Variants in TESK2 observed in about 807,000 individuals in gnomAD.
TESK2 encodes dual specificity testis-specific protein kinase 2.
A neutral mutation model predicts 57.1 loss-of-function variants in TESK2; 39 were observed. The ratio of observed to expected loss-of-function variants is 0.68; its 90% CI spans 0.53 to 0.89. TESK2 has a LOEUF of 0.89. TESK2 is among the 40% of genes least tolerant of loss of function. The pLI, the probability that TESK2 is intolerant of heterozygous loss-of-function variation, is 0.00. For missense variants in TESK2, 646 were observed against 732.1 expected, an observed-to-expected ratio of 0.88 and a Z score of 1.36; for synonymous variants, 249 against 267.9, an observed-to-expected ratio of 0.93 and a Z score of 0.69.
At chr1:45,463,009 T>C (rs1302130168) in intron 1 of TESK2, among the ~76,000 whole-genome samples, 1 of 152,232 alleles carries the variant, frequency 6.6e-6, no homozygotes, top group East Asian at 1.9e-4. Flanking sequence ...TTTACATAGA[T>C]CTGTTTGCCA....
chr1:45,345,231 T>G lies in TESK2; in HGVS notation c.1325A>C (p.Asp442Ala). 6.2e-7 allele frequency: 1 copy of G among 1,614,200 alleles called. No individual in the cohort carries two copies. Among genetic ancestry groups the G allele is most frequent in the Non-Finnish European group, 8.5e-7 (1 of 1,180,038 alleles). The change falls in exon 11 of 11, where the codon GAC (aspartate) becomes GCC (alanine). Residue 442 changes from aspartate to alanine, a missense_variant. Coordinates refer to ENST00000372086, the MANE Select transcript of TESK2 (RefSeq NM_007170.3). ...APGPGTMPLADWQEPLAPPIR... is the reference protein window; with the variant it reads ...APGPGTMPLAAWQEPLAPPIR... ...AGGTGGGGCCAGGGGCTCCTGCCAG[T>G]CAGCCAGGGGCATAGTTCCGGGCCC...
intron 5 of TESK2, among the ~76,000 whole-genome samples, chr1:45,350,157 A>G (rs971026700): frequency 6.6e-6 from 1 of 152,160 alleles, no homozygotes; most frequent in Admixed American, 6.5e-5. Flanking sequence ...AAAATTAAAA[A>G]AAGCGTGTGT....
chr1:45,367,994 ATTT>A (rs879353372), intron 4 of TESK2, among the ~76,000 whole-genome samples: 3 of 107,048 alleles, frequency 2.8e-5, no homozygotes, highest in Admixed American at 9.7e-5. Context: ...GACCATTGAA[ATTT>A]TTTTTTTTTT....
At chr1:45,386,961 GT>G (rs1220767424) in intron 3 of TESK2, among the ~76,000 whole-genome samples, 3 of 152,084 alleles carry the variant, frequency 2.0e-5, no homozygotes. Flanking sequence ...CCCATATGTA[GT>G]TTTTTATCCT....
intron 2 of TESK2, among the ~76,000 whole-genome samples, chr1:45,428,568 C>T (rs1650795181): frequency 1.3e-5 from 2 of 151,802 alleles, no homozygotes; most frequent in South Asian, 4.2e-4. Flanking sequence ...AGTGGCATGA[C>T]CTCAGCTCAC....
At position 45,344,440 on chromosome 1, in the gene TESK2, C is replaced by G. The variant is rs1472244234; in HGVS notation, c.*400G>C. ...GACCATTACGGCCTCTTGATCAGCT[C>G]CATGTTCCACTCAGTAGCTTATATG... is the stretch of plus-strand genomic sequence containing the variant. On this transcript the variant is annotated 3_prime_UTR_variant, in exon 11 of 11. Transcript: ENST00000372086. 5.1e-6 allele frequency: 1 copy of G among 197,344 alleles called. No individual in the cohort carries two copies. Among genetic ancestry groups the G allele is most frequent in the African/African-American group, 2.4e-5 (1 of 42,422 alleles). The allele number at this position is 197,344 out of a possible 1,614,324, so 12.2% of individuals were successfully genotyped here.
chr1:45,457,025 G>C (rs894077502), intron 2 of TESK2, among the ~76,000 whole-genome samples: 16 of 152,058 alleles, frequency 1.1e-4, no homozygotes, highest in African/African-American at 3.9e-4. Context: ...TTTGAGACAG[G>C]GCCTTGCTAT....
chr1:45,356,126 G>A (rs1647410003), intron 4 of TESK2, among the ~76,000 whole-genome samples: 2 of 152,072 alleles, frequency 1.3e-5, no homozygotes, highest in African/African-American at 4.8e-5. Flanking sequence ...TAATCCTGGT[G>A]AGAGCAGGGC....
intron 3 of TESK2, among the ~76,000 whole-genome samples, chr1:45,388,877 C>T (rs1233692807): frequency 9.2e-5 from 14 of 152,014 alleles, no homozygotes; most frequent in East Asian, 1.9e-4. Flanking sequence ...CCCGCCACCA[C>T]GCCCGGCTAA....
chr1:45,409,090 C>T (rs1467451002), intron 3 of TESK2, among the ~76,000 whole-genome samples: 2 of 152,116 alleles, frequency 1.3e-5, no homozygotes, highest in East Asian at 3.9e-4. Context: ...TTCTAATTGG[C>T]ATCAGCTTCT....
At chr1:45,398,764 G>A (rs1267461139) in intron 3 of TESK2, 1 of 292,688 alleles carries the variant, frequency 3.4e-6, no homozygotes, top group Non-Finnish European at 6.8e-6. Flanking sequence ...TATTATAGTT[G>A]GTTAAGACTG....
At chr1:45,366,707 G>A (rs1162488228) in intron 4 of TESK2, among the ~76,000 whole-genome samples, 4 of 152,188 alleles carry the variant, frequency 2.6e-5, no homozygotes, top group Non-Finnish European at 1.5e-5. Context: ...TAAATAAATG[G>A]AGGTGGGTTT....
intron 4 of TESK2, among the ~76,000 whole-genome samples, chr1:45,358,467 G>A (rs2149266273): frequency 6.6e-6 from 1 of 152,152 alleles, no homozygotes. Context: ...AACAGAGAGA[G>A]ACCCAGTCTC....
chr1:45,436,181 C>CTTTTTTTTTTTTT (rs1170732475), intron 2 of TESK2, among the ~76,000 whole-genome samples: 2,945 of 56,338 alleles, frequency 0.052, 911 homozygotes, highest in East Asian at 0.076. Context: ...TTGGTATCTT[C>CTTTTTTTTTTTTT]TTTTTTTTTT....
chr1:45,426,678 A>G (rs1453476696), intron 2 of TESK2, among the ~76,000 whole-genome samples: 1 of 152,212 alleles, frequency 6.6e-6, no homozygotes, highest in Non-Finnish European at 1.5e-5. Flanking sequence ...GGGAGAAAAT[A>G]TTTGCAAAAT....
intron 3 of TESK2, chr1:45,399,000 A>AAAC: frequency 2.3e-6 from 1 of 435,144 alleles, no homozygotes. Flanking sequence ...AAAAAAAAAA[A>AAAC]AAAAAAACAA....
At chr1:45,347,148 C>T in intron 7 of TESK2, 86 bp from the exon 8 acceptor site, 1 of 1,184,614 alleles carries the variant, frequency 8.4e-7, no homozygotes, top group Non-Finnish European at 1.2e-6. Context: ...CTGCACCCCA[C>T]CATCTAACAG....
chr1:45,374,294 AC>A (rs1648318977), intron 4 of TESK2, among the ~76,000 whole-genome samples: 2 of 152,168 alleles, frequency 1.3e-5, no homozygotes, highest in African/African-American at 4.8e-5. Flanking sequence ...TGCTCCAGTT[AC>A]TGACAATTCA....
chr1:45,429,047 T>G (rs1207595613), intron 2 of TESK2, among the ~76,000 whole-genome samples: 3 of 150,726 alleles, frequency 2.0e-5, no homozygotes, highest in Non-Finnish European at 4.4e-5. Flanking sequence ...GGTCTCGATC[T>G]CCTGACCTCG....
Sources: gnomAD v4.1 joint callset for allele counts (sites outside exome capture counted in the v4.1 genomes callset) on GRCh38, gnomAD v4.1.1 for gene constraint, MANE v1.5 for transcripts, NCBI Gene and HGNC (gene_info 2026-07-23, HGNC 2026-07-21) for gene names.